GLIS1: variants seen among roughly 807,000 people sequenced by gnomAD.
GLIS1 encodes the protein GLIS family zinc finger 1, also known as zinc finger protein GLIS1.
A neutral mutation model predicts 63.8 loss-of-function variants in GLIS1; 24 were observed. The observed-to-expected ratio is 0.38, with a 90% confidence interval of 0.27 to 0.53. The LOEUF is 0.53. Ranked by LOEUF, GLIS1 falls within the 20% of genes least tolerant of loss-of-function variation. The pLI, the probability that GLIS1 is intolerant of heterozygous loss-of-function variation, is 0.85. For synonymous variants in GLIS1, 450 were observed against 482.5 expected (o/e 0.93, Z 0.88); for missense variants, 1,036 against 1,074.1 (o/e 0.96, Z 0.50).
At chr1:53,606,167 G>T (rs775497110) in intron 2 of GLIS1, among the ~76,000 whole-genome samples, 53 of 152,216 alleles carry the variant, frequency 3.5e-4, no homozygotes, top group Non-Finnish European at 1.6e-4. Context: ...CCTGGCACAG[G>T]CAGCACTTTG....
In GLIS1 at chr1:53,589,166, T is replaced by C. The variant is rs189164090; in HGVS notation, c.1320+4942A>G. 7.9e-5 allele frequency among the ~76,000 whole-genome samples: 12 copies of C among 152,260 alleles called. No individual in the cohort carries two copies. The East Asian group carries it at 1.7e-3, about 22-fold the overall frequency. ...TGTCACCCAGGCTGGAGTGCAGTGG[T>C]GTGATCATAGCTCACTATAGCCTCA... On this transcript the variant is annotated intron_variant, in intron 4 of 10. Coordinates refer to ENST00000628545, the MANE Select transcript of GLIS1 (RefSeq NM_001367484.1).
intron 4 of GLIS1, among the ~76,000 whole-genome samples, chr1:53,585,083 A>C (rs77986926): frequency 0.031 from 4,757 of 152,138 alleles, 242 homozygotes; most frequent in African/African-American, 0.11. Flanking sequence ...TGTGTTTTTT[A>C]TCCTTAATTT....
chr1:53,610,151 T>C (rs72910667), intron 2 of GLIS1, among the ~76,000 whole-genome samples: 209 of 152,366 alleles, frequency 1.4e-3, no homozygotes, highest in African/African-American at 4.8e-3. Context: ...TTACTGTTTT[T>C]GTATATTTCA....
intron 2 of GLIS1, among the ~76,000 whole-genome samples, chr1:53,612,820 CTTT>C (rs11303017): frequency 9.2e-4 from 113 of 122,658 alleles, no homozygotes; most frequent in East Asian, 1.1e-3. Context: ...TCTTTGATGC[CTTT>C]TTTTTTTTTT....
intron 5 of GLIS1, among the ~76,000 whole-genome samples, chr1:53,525,888 G>A (rs1318934710): frequency 6.6e-6 from 1 of 152,140 alleles, no homozygotes; most frequent in African/African-American, 2.4e-5. Context: ...CCTATGTGCT[G>A]GGTTTGCTCA....
At chr1:53,602,557 C>T (rs1251045570) in intron 2 of GLIS1, among the ~76,000 whole-genome samples, 1 of 152,150 alleles carries the variant, frequency 6.6e-6, no homozygotes, top group African/African-American at 2.4e-5. Flanking sequence ...AGGCTGTGTG[C>T]AGTGAAGGAA....
intron 4 of GLIS1, among the ~76,000 whole-genome samples, chr1:53,532,218 G>A (rs1644538227): frequency 6.6e-6 from 1 of 152,222 alleles, no homozygotes; most frequent in African/African-American, 2.4e-5. Context: ...GGTGACAAGT[G>A]GGGACCGGGG....
chr1:53,525,058 G>A (rs1026821925), intron 5 of GLIS1, among the ~76,000 whole-genome samples, 171 bp from the exon 6 acceptor site: 3 of 152,152 alleles, frequency 2.0e-5, no homozygotes, highest in East Asian at 1.9e-4. Flanking sequence ...GCCTGGGAGC[G>A]GAGCAAGGGG....
chr1:53,604,283 T>C (rs1017946692), intron 2 of GLIS1, among the ~76,000 whole-genome samples: 1 of 152,184 alleles, frequency 6.6e-6, no homozygotes, highest in African/African-American at 2.4e-5. Flanking sequence ...CCCTCAAGAC[T>C]TGGGGTTCAG....
In GLIS1 at chr1:53,506,506, C is replaced by T. The variant is rs1557935872; in HGVS notation, c.*113G>A. ...CTGGCTCCCCTGGGTCATGGCCTGG[C>T]TGTTCCGGCTGTGGCCTGGCACTCC... On this transcript the variant is annotated 3_prime_UTR_variant, in exon 11 of 11. Coordinates refer to ENST00000628545, the MANE Select transcript of GLIS1 (RefSeq NM_001367484.1). 3.5e-6 allele frequency: 4 copies of T among 1,157,092 alleles called. No homozygotes were observed. Among genetic ancestry groups the T allele is most frequent in the East Asian group, 2.4e-5 (1 of 41,496 alleles). 71.7% of individuals were successfully genotyped at this position (1,157,092 alleles called of 1,614,324 possible).
rs1644615133 is a variant in GLIS1, at chr1:53,539,276, TC to T, written c.1321-9325del. 7.0e-5 allele frequency among the ~76,000 whole-genome samples: 4 copies of T among 57,266 alleles called. No individual in the cohort carries two copies. Among genetic ancestry groups the T allele is most frequent in the Non-Finnish European group, 1.8e-4 (4 of 22,548 alleles). The allele number at this position is 57,266 out of a possible 152,430, so 37.6% of individuals were successfully genotyped here. Reference sequence around the variant, plus strand: ...CACACACACACCAAGACCCAGAAACTCCCTCACACACACACACACACACTAC... The same window carrying T: ...CACACACACACCAAGACCCAGAAACTCCTCACACACACACACACACACTAC... On this transcript the variant is annotated intron_variant, in intron 4 of 10. Transcript: ENST00000628545. The surrounding 1 kb of genome is among the most constrained non-coding windows in gnomAD (Gnocchi z 5.0).
At chr1:53,674,652 T>G (rs982572058) in intron 2 of GLIS1, among the ~76,000 whole-genome samples, 8 of 152,134 alleles carry the variant, frequency 5.3e-5, no homozygotes, top group Non-Finnish European at 1.0e-4. Flanking sequence ...CCAGTTCTGA[T>G]GTCCAGAGCT....
intron 2 of GLIS1, among the ~76,000 whole-genome samples, chr1:53,604,940 A>G (rs1270876258): frequency 3.0e-3 from 37 of 12,438 alleles, no homozygotes; most frequent in African/African-American, 3.1e-3. Flanking sequence ...GTGTATATAT[A>G]TACATATATA....
chr1:53,588,967 T>C lies in GLIS1; in HGVS notation c.1320+5141A>G, dbSNP rs368114474. ...TTCTCTTCTCCCTCAGGATATCCCATGGGATATGAGCCCAGAACCCCAATC... is the reference window on the plus strand; with the variant it reads ...TTCTCTTCTCCCTCAGGATATCCCACGGGATATGAGCCCAGAACCCCAATC... On this transcript the variant is annotated intron_variant, in intron 4 of 10. Transcript: ENST00000628545. Among the ~76,000 whole-genome samples the C allele has an allele frequency of 5.3e-5, 8 of 152,290 alleles. No homozygotes were observed. The South Asian group carries it at 6.2e-4, about 12-fold the overall frequency.
intron 4 of GLIS1, among the ~76,000 whole-genome samples, chr1:53,575,901 C>T (rs896713082): frequency 2.6e-5 from 4 of 152,070 alleles, no homozygotes; most frequent in African/African-American, 9.7e-5. Context: ...CAAAGAGGGC[C>T]CCAAGGGGGT....
chr1:53,680,875 T>C (rs954014972), intron 2 of GLIS1, among the ~76,000 whole-genome samples: 3 of 152,210 alleles, frequency 2.0e-5, no homozygotes, highest in Non-Finnish European at 4.4e-5. Context: ...AGATGCAGAA[T>C]TGACTGTGGA....
At chr1:53,637,116 G>T (rs971757723) in intron 2 of GLIS1, among the ~76,000 whole-genome samples, 1 of 152,218 alleles carries the variant, frequency 6.6e-6, no homozygotes. Flanking sequence ...CACTTCCACT[G>T]CTGTGCACTG....
chr1:53,581,851 A>G (rs898775141), intron 4 of GLIS1, among the ~76,000 whole-genome samples: 3 of 152,032 alleles, frequency 2.0e-5, no homozygotes, highest in Admixed American at 2.0e-4. Flanking sequence ...TGCCCTTTCC[A>G]TGCCCTCCAC....
intron 7 of GLIS1, among the ~76,000 whole-genome samples, chr1:53,519,975 G>A (rs900255539): frequency 3.3e-5 from 5 of 152,226 alleles, no homozygotes; most frequent in African/African-American, 1.2e-4. Context: ...AGGGCCATGG[G>A]TTCCCCCAGC....
Sources: allele counts gnomAD v4.1 joint callset (sites outside exome capture counted in the v4.1 genomes callset), GRCh38; gene constraint gnomAD v4.1.1; non-coding constraint Gnocchi (gnomAD v3.1); transcripts MANE v1.5; gene names NCBI Gene and HGNC (gene_info 2026-07-23, HGNC 2026-07-21).